The following CPPED1 variants were observed in gnomAD, a reference collection of about 807,000 sequenced individuals.
The protein encoded by CPPED1 is serine/threonine-protein phosphatase CPPED1.
In CPPED1, 28 loss-of-function variants were observed where a neutral mutation model predicts 28.0. The observed-to-expected ratio is 1.00, with a 90% CI of 0.74 to 1.37. The LOEUF (loss-of-function observed/expected upper bound fraction) is 1.37. CPPED1 is among the 40% of genes most tolerant of loss of function. The pLI is 0.00. For missense variants in CPPED1, 504 were observed against 416.5 expected (o/e 1.21, Z -1.83); for synonymous variants, 198 against 180.2 (o/e 1.10, Z -0.79).
intron 2 of CPPED1, among the ~76,000 whole-genome samples, chr16:12,768,150 A>C (rs4780476): frequency 0.72 from 108,783 of 152,072 alleles, 39,155 homozygotes; most frequent in African/African-American, 0.78. Context: ...CTATCAACCA[A>C]AAGGACTCTT....
chr16:12,762,147 C>T (rs953585812), intron 2 of CPPED1, among the ~76,000 whole-genome samples: 3 of 152,146 alleles, frequency 2.0e-5, no homozygotes, highest in Non-Finnish European at 4.4e-5. Context: ...AGCCTGGGGT[C>T]TGCCCAAGGG....
At chr16:12,766,898 T>A (rs2080442932) in intron 2 of CPPED1, among the ~76,000 whole-genome samples, 1 of 152,220 alleles carries the variant, frequency 6.6e-6, no homozygotes, top group African/African-American at 2.4e-5. Flanking sequence ...TAACGGCCTC[T>A]ACAATCATGG....
chr16:12,667,557 C>G (rs1188335127), intron 3 of CPPED1, among the ~76,000 whole-genome samples: 1 of 152,110 alleles, frequency 6.6e-6, no homozygotes, highest in Non-Finnish European at 1.5e-5. Flanking sequence ...AGTATGAGAT[C>G]AGCCTGGGCA....
intron 3 of CPPED1, among the ~76,000 whole-genome samples, chr16:12,681,942 T>C (rs2079907039): frequency 6.6e-6 from 1 of 152,020 alleles, no homozygotes; most frequent in Non-Finnish European, 1.5e-5. Context: ...CCCACTTGAG[T>C]CCACAGCCTT....
At chr16:12,684,749 C>T (rs2079923961) in intron 3 of CPPED1, among the ~76,000 whole-genome samples, 1 of 152,134 alleles carries the variant, frequency 6.6e-6, no homozygotes, top group Admixed American at 6.6e-5. Flanking sequence ...GGGCAGAGGC[C>T]ACGTGTGTTT....
chr16:12,708,052 C>A (rs982853071), intron 2 of CPPED1, among the ~76,000 whole-genome samples: 2 of 152,144 alleles, frequency 1.3e-5, no homozygotes, highest in Non-Finnish European at 2.9e-5. Context: ...GAGGCTGAGG[C>A]AGGAGAATCG....
At chr16:12,722,096 C>T (rs553124778) in intron 2 of CPPED1, among the ~76,000 whole-genome samples, 3 of 152,254 alleles carry the variant, frequency 2.0e-5, no homozygotes, top group South Asian at 2.1e-4. Context: ...CCTGAAGGCA[C>T]GGCAACTCAA....
chr16:12,760,589 A>T (rs370313984), intron 2 of CPPED1: 7 of 152,226 alleles, frequency 4.6e-5, no homozygotes, highest in African/African-American at 1.2e-4. Context: ...GCTGAGGTAC[A>T]TTGTCAGCAG....
chr16:12,740,588 G>A (rs2141210735), intron 2 of CPPED1, among the ~76,000 whole-genome samples: 1 of 152,296 alleles, frequency 6.6e-6, no homozygotes, highest in South Asian at 2.1e-4. Flanking sequence ...GGGCCTCACA[G>A]CTAAATGTCA....
At chr16:12,800,363 G>A (rs1480600264) in intron 1 of CPPED1, among the ~76,000 whole-genome samples, 1 of 151,742 alleles carries the variant, frequency 6.6e-6, no homozygotes, top group Non-Finnish European at 1.5e-5. Flanking sequence ...GTTTGAACGT[G>A]GGAGGTGGAG....
intron 3 of CPPED1, among the ~76,000 whole-genome samples, chr16:12,690,843 T>A (rs2079958830): frequency 6.6e-6 from 1 of 152,122 alleles, no homozygotes; most frequent in Admixed American, 6.5e-5. Flanking sequence ...CCACGGACCC[T>A]CACTTGGCAG....
chr16:12,734,011 T>C (rs553252240), intron 2 of CPPED1, among the ~76,000 whole-genome samples: 5 of 148,192 alleles, frequency 3.4e-5, no homozygotes, highest in Admixed American at 6.8e-5. Context: ...TAGTTGGCAA[T>C]AATTACAGGA....
intron 2 of CPPED1, among the ~76,000 whole-genome samples, chr16:12,713,314 C>T (rs1345902399): frequency 6.6e-6 from 1 of 152,144 alleles, no homozygotes; most frequent in Non-Finnish European, 1.5e-5. Context: ...AATGAAATAG[C>T]ATCAAAGGAG....
intron 3 of CPPED1, among the ~76,000 whole-genome samples, chr16:12,702,609 C>T (rs1202154189): frequency 6.6e-6 from 1 of 151,968 alleles, no homozygotes; most frequent in Admixed American, 6.6e-5. Context: ...CTCTGTCCTA[C>T]AAGGGGAAAA....
intron 2 of CPPED1, among the ~76,000 whole-genome samples, chr16:12,707,090 C>T (rs2080055564): frequency 1.3e-5 from 2 of 152,316 alleles, no homozygotes; most frequent in East Asian, 3.9e-4. Flanking sequence ...TCTAAGACTC[C>T]AGTGTCTGGT....
chr16:12,732,422 A>G (rs1313075889), intron 2 of CPPED1, among the ~76,000 whole-genome samples: 1 of 151,528 alleles, frequency 6.6e-6, no homozygotes, highest in Non-Finnish European at 1.5e-5. Context: ...TGAGTACCAC[A>G]GTATAGGGGA....
chr16:12,754,619 C>T (rs1375072940), intron 2 of CPPED1, among the ~76,000 whole-genome samples: 8 of 152,188 alleles, frequency 5.3e-5, no homozygotes, highest in Admixed American at 5.2e-4. Flanking sequence ...TTCACAGGAC[C>T]TTCTCCACAG....
At chr16:12,735,558 C>T (rs1465217848) in intron 2 of CPPED1, among the ~76,000 whole-genome samples, 2 of 152,252 alleles carry the variant, frequency 1.3e-5, no homozygotes, top group Admixed American at 6.5e-5. Flanking sequence ...GCCCACCTTG[C>T]ATCCCAAAGT....
rs1042776319 is a variant in CPPED1, at chr16:12,677,549, C to T, written c.716-12434G>A. ...CCCAGCTACTTGGGAGGCTGAGGCA[C>T]GAGAATCACTTGAACCTGGGAGGCA... is the stretch of plus-strand genomic sequence containing the variant. On this transcript the variant is annotated intron_variant, in intron 3 of 3. Coordinates refer to ENST00000381774, the MANE Select transcript of CPPED1 (RefSeq NM_018340.3). Among the ~76,000 whole-genome samples, 6 of 152,194 alleles carry T rather than the reference C, an allele frequency of 3.9e-5. No homozygotes were observed. In the South Asian group the frequency reaches 6.2e-4, roughly 16 times the overall value.
Sources: gnomAD v4.1 joint callset for allele counts (sites outside exome capture counted in the v4.1 genomes callset) on GRCh38, gnomAD v4.1.1 for gene constraint, MANE v1.5 for transcripts, NCBI Gene and HGNC (gene_info 2026-07-23, HGNC 2026-07-21) for gene names.